TAB2: variants seen among roughly 807,000 people sequenced by gnomAD.
The protein encoded by TAB2 is TGF-beta-activated kinase 1 and MAP3K7-binding protein 2.
TAB2 carries 3 observed loss-of-function variants against 65.0 expected under a neutral mutation model. The observed-to-expected ratio is 0.05, with a 90% confidence interval of 0.02 to 0.12. TAB2 has a LOEUF of 0.12. Ranked by LOEUF, TAB2 falls within the 10% of genes least tolerant of loss-of-function variation. The probability of loss-of-function intolerance (pLI) is 1.00; values close to 1 mark genes in which losing one functional copy is unlikely to be tolerated. For missense variants in TAB2, 623 were observed against 840.3 expected, an observed-to-expected ratio of 0.74 and a Z score of 3.20; for synonymous variants, 298 against 285.1, an observed-to-expected ratio of 1.05 and a Z score of -0.46.
intron 1 of TAB2, among the ~76,000 whole-genome samples, chr6:149,238,496 A>G (rs1159637114): frequency 6.6e-6 from 1 of 152,114 alleles, no homozygotes; most frequent in Non-Finnish European, 1.5e-5. Flanking sequence ...GACTCACCCT[A>G]CATGTTCTGG....
At chr6:149,391,322 G>GT (rs1359202455) in intron 3 of TAB2, among the ~76,000 whole-genome samples, 2 of 151,510 alleles carry the variant, frequency 1.3e-5, no homozygotes, top group Non-Finnish European at 2.9e-5. Flanking sequence ...TGGTGTAGGG[G>GT]TTTTTTTTAA....
intron 1 of TAB2, among the ~76,000 whole-genome samples, chr6:149,271,040 C>CTT (rs145982019): frequency 2.7e-5 from 4 of 148,592 alleles, no homozygotes; most frequent in Non-Finnish European, 3.0e-5. Flanking sequence ...GCACCTTATT[C>CTT]TTTTTTTTTT....
chr6:149,307,109 GT>G (rs1779086044), intron 1 of TAB2, among the ~76,000 whole-genome samples: 1 of 152,048 alleles, frequency 6.6e-6, no homozygotes, highest in South Asian at 2.1e-4. Flanking sequence ...CTTGTTGTCT[GT>G]TCATGGATGG....
chr6:149,222,560 C>T (rs1240737249), intron 1 of TAB2, among the ~76,000 whole-genome samples: 1 of 150,296 alleles, frequency 6.7e-6, no homozygotes, highest in Non-Finnish European at 1.5e-5. Context: ...GGAGGTTGCA[C>T]TGAACTGAGA....
chr6:149,357,430 A>AAAAAACAC, intron 1 of TAB2, among the ~76,000 whole-genome samples: 2 of 111,186 alleles, frequency 1.8e-5, no homozygotes, highest in Admixed American at 1.0e-4. Flanking sequence ...AGAAAAAAAA[A>AAAAAACAC]ACACACACAC....
intron 6 of TAB2, among the ~76,000 whole-genome samples, chr6:149,406,533 A>G (rs1039044142): frequency 6.6e-6 from 1 of 152,156 alleles, no homozygotes; most frequent in East Asian, 1.9e-4. Context: ...ACAGTGACCC[A>G]TGGACCAAAT....
intron 1 of TAB2, among the ~76,000 whole-genome samples, chr6:149,356,118 A>G (rs1393331150): frequency 6.6e-6 from 1 of 152,194 alleles, no homozygotes; most frequent in Non-Finnish European, 1.5e-5. Context: ...CGTATTTCCT[A>G]ATGTCCTAGA....
At chr6:149,348,720 T>C (rs1251494651) in intron 1 of TAB2, among the ~76,000 whole-genome samples, 1 of 151,576 alleles carries the variant, frequency 6.6e-6, no homozygotes, top group Non-Finnish European at 1.5e-5. Flanking sequence ...TACCAGCACT[T>C]TGGAAGGACG....
At chr6:149,390,817 G>A (rs1014961872) in intron 3 of TAB2, among the ~76,000 whole-genome samples, 1 of 152,210 alleles carries the variant, frequency 6.6e-6, no homozygotes, top group African/African-American at 2.4e-5. Flanking sequence ...TTCTTTACCT[G>A]TAATTCCTTC....
At chr6:149,265,559 A>C (rs1342925761) in intron 1 of TAB2, among the ~76,000 whole-genome samples, 1 of 149,790 alleles carries the variant, frequency 6.7e-6, no homozygotes, top group African/African-American at 2.5e-5. Flanking sequence ...CTTGGCCCCC[A>C]CCTCCCCTGC....
chr6:149,306,177 A>G (rs676567), intron 1 of TAB2, among the ~76,000 whole-genome samples: 68,341 of 151,904 alleles, frequency 0.45, 18,958 homozygotes, highest in African/African-American at 0.79. Flanking sequence ...AGGCCAAGGC[A>G]GGAGAGTCAC....
At chr6:149,311,071 A>G (rs141238065) in intron 1 of TAB2, among the ~76,000 whole-genome samples, 60 of 152,248 alleles carry the variant, frequency 3.9e-4, no homozygotes, top group African/African-American at 1.4e-3. Flanking sequence ...GCATAGATCT[A>G]ATTATGATCT....
At chr6:149,409,362 G>A (rs1431228268) in intron 6 of TAB2, among the ~76,000 whole-genome samples, 1 of 152,074 alleles carries the variant, frequency 6.6e-6, no homozygotes, top group Non-Finnish European at 1.5e-5. Flanking sequence ...GATTGGAGGT[G>A]ATTACATCAT....
At chr6:149,366,100 T>C (rs1282783066) in intron 1 of TAB2, among the ~76,000 whole-genome samples, 1 of 152,176 alleles carries the variant, frequency 6.6e-6, no homozygotes, top group Non-Finnish European at 1.5e-5. Context: ...TGTCCATTGG[T>C]TGCCTTTTCT....
At chr6:149,231,876 G>A (rs981047048) in intron 1 of TAB2, among the ~76,000 whole-genome samples, 1 of 152,196 alleles carries the variant, frequency 6.6e-6, no homozygotes, top group Non-Finnish European at 1.5e-5. Context: ...GCAAAAAAGA[G>A]AGGAGTGAAC....
At chr6:149,359,792 G>A (rs1021587665) in intron 1 of TAB2, among the ~76,000 whole-genome samples, 5 of 152,232 alleles carry the variant, frequency 3.3e-5, no homozygotes, top group African/African-American at 1.2e-4. Context: ...AAGCTCTGCT[G>A]TTACAAAACA....
At chr6:149,380,402 T>C (rs1261473129) in intron 3 of TAB2, among the ~76,000 whole-genome samples, 1 of 152,256 alleles carries the variant, frequency 6.6e-6, no homozygotes, top group East Asian at 1.9e-4. Flanking sequence ...TTGGTTAATA[T>C]ATTTCTTTTT....
At chr6:149,407,347 A>G (rs976143247) in intron 6 of TAB2, among the ~76,000 whole-genome samples, 3 of 152,180 alleles carry the variant, frequency 2.0e-5, no homozygotes, top group African/African-American at 7.2e-5. Flanking sequence ...GCTTCAACAT[A>G]ATCTGTTACT....
intron 1 of TAB2, among the ~76,000 whole-genome samples, chr6:149,353,686 A>G (rs926678217): frequency 6.6e-6 from 1 of 152,254 alleles, no homozygotes; most frequent in Non-Finnish European, 1.5e-5. Flanking sequence ...CACGTACAAA[A>G]AACTTTTTGC....
Sources: allele counts gnomAD v4.1 joint callset (sites outside exome capture counted in the v4.1 genomes callset), GRCh38; gene constraint gnomAD v4.1.1; transcripts MANE v1.5; gene names NCBI Gene and HGNC (gene_info 2026-07-23, HGNC 2026-07-21).